DAB1: variants seen among roughly 807,000 people sequenced by gnomAD.
The protein encoded by DAB1 is disabled homolog 1.
DAB1 carries 15 observed loss-of-function variants against 64.6 expected under a neutral mutation model. The ratio of observed to expected loss-of-function variants is 0.23; its 90% CI spans 0.16 to 0.36. The LOEUF is 0.36. DAB1 is among the 10% of genes least tolerant of loss of function. The probability of loss-of-function intolerance (pLI) is 1.00; values close to 1 mark genes in which losing one functional copy is unlikely to be tolerated. For synonymous variants in DAB1, 235 were observed against 251.9 expected (o/e 0.93, Z 0.64); for missense variants, 596 against 706.7 (o/e 0.84, Z 1.78).
chr1:58,411,166 T>C (rs1644663829), intron 3 of DAB1, among the ~76,000 whole-genome samples: 1 of 152,224 alleles, frequency 6.6e-6, no homozygotes, highest in African/African-American at 2.4e-5. Context: ...TAATTTCTTT[T>C]ATCTGAACAA....
chr1:58,512,427 G>C lies in DAB1; in HGVS notation n.108-6218C>G, dbSNP rs1646093132. Among the ~76,000 whole-genome samples the C allele has an allele frequency of 2.0e-5, 3 of 152,122 alleles. No homozygotes were observed. The South Asian group carries it at 6.2e-4, about 32-fold the overall frequency. On this transcript the variant is annotated intron_variant and non_coding_transcript_variant, in intron 2 of 20. Transcript: ENST00000485760. ...ATATTTATCCAAGAGTTGAAATCAG[G>C]ATCTCAAAGGGATTTGCACTCCACA... is the stretch of plus-strand genomic sequence containing the variant.
At chr1:57,525,016 C>T (rs927617634) in intron 7 of DAB1, among the ~76,000 whole-genome samples, 3 of 152,272 alleles carry the variant, frequency 2.0e-5, no homozygotes, top group East Asian at 3.9e-4. Context: ...TGATTTACAA[C>T]CCAAAGTCTG....
At chr1:58,334,324 A>G (rs944286567) in intron 4 of DAB1, among the ~76,000 whole-genome samples, 4 of 152,180 alleles carry the variant, frequency 2.6e-5, no homozygotes, top group Non-Finnish European at 5.9e-5. Context: ...AGCTGAATCC[A>G]GCCCAACTGA....
At chr1:57,092,936 C>T (rs1026290030) in intron 4 of DAB1, among the ~76,000 whole-genome samples, 1 of 151,916 alleles carries the variant, frequency 6.6e-6, no homozygotes, top group Non-Finnish European at 1.5e-5. Context: ...AAATGTAGTC[C>T]ATTTCTTGAT....
At chr1:57,294,769 G>A (rs1209664970) in intron 1 of DAB1, among the ~76,000 whole-genome samples, 1 of 152,160 alleles carries the variant, frequency 6.6e-6, no homozygotes, top group East Asian at 1.9e-4. Flanking sequence ...CACATAGCTA[G>A]TAAATAGCAC....
intron 6 of DAB1, among the ~76,000 whole-genome samples, chr1:57,816,587 T>C (rs1651864618): frequency 6.6e-6 from 1 of 152,224 alleles, no homozygotes; most frequent in Non-Finnish European, 1.5e-5. Flanking sequence ...TAGACTTTGC[T>C]GAGAACTTTC....
chr1:58,310,490 A>G (rs944049719), intron 4 of DAB1, among the ~76,000 whole-genome samples: 1 of 152,292 alleles, frequency 6.6e-6, no homozygotes, highest in African/African-American at 2.4e-5. Flanking sequence ...AGAATTAAAA[A>G]TTTGAATTTT....
At chr1:57,402,306 C>A (rs577323111) in intron 1 of DAB1, among the ~76,000 whole-genome samples, 43 of 152,246 alleles carry the variant, frequency 2.8e-4, no homozygotes, top group African/African-American at 1.0e-3. Flanking sequence ...GTTTTAGTCA[C>A]CATATTTTAT....
intron 7 of DAB1, among the ~76,000 whole-genome samples, chr1:57,573,703 T>C (rs751601487): frequency 3.3e-5 from 5 of 152,208 alleles, no homozygotes; most frequent in Non-Finnish European, 7.3e-5. Flanking sequence ...AGCCTCCGTA[T>C]GGTTACAGCA....
At chr1:57,915,567 T>TC (rs34396068) in intron 5 of DAB1, among the ~76,000 whole-genome samples, 10 of 151,808 alleles carry the variant, frequency 6.6e-5, no homozygotes, top group Middle Eastern at 3.4e-3. Flanking sequence ...TGCTTTCAAT[T>TC]CCCCCCCAGC....
At chr1:57,963,297 T>G (rs1645571448) in intron 5 of DAB1, among the ~76,000 whole-genome samples, 1 of 152,194 alleles carries the variant, frequency 6.6e-6, no homozygotes, top group Admixed American at 6.5e-5. Flanking sequence ...GCAAGCATAT[T>G]AGCATATTAC....
intron 4 of DAB1, among the ~76,000 whole-genome samples, chr1:57,092,953 A>G (rs1455395409): frequency 6.6e-6 from 1 of 152,150 alleles, no homozygotes; most frequent in Non-Finnish European, 1.5e-5. Context: ...TGATCAGGAA[A>G]GGTGTGATTG....
At chr1:57,769,731 C>T (rs927235221) in intron 6 of DAB1, among the ~76,000 whole-genome samples, 18 of 152,082 alleles carry the variant, frequency 1.2e-4, no homozygotes, top group African/African-American at 4.1e-4. Context: ...AACCCAACAC[C>T]GATAAAAATA....
At chr1:58,484,909 G>A (rs955915800) in intron 3 of DAB1, among the ~76,000 whole-genome samples, 2 of 152,004 alleles carry the variant, frequency 1.3e-5, no homozygotes, top group African/African-American at 4.8e-5. Flanking sequence ...GGGGGAGGGA[G>A]GAATGAGTAG....
intron 7 of DAB1, among the ~76,000 whole-genome samples, chr1:57,474,339 T>C (rs1261754719): frequency 6.6e-6 from 1 of 152,336 alleles, no homozygotes; most frequent in East Asian, 1.9e-4. Flanking sequence ...CCTCTGTTTC[T>C]TCCATCTTAC....
intron 5 of DAB1, among the ~76,000 whole-genome samples, chr1:58,078,697 T>G (rs758865714): frequency 1.3e-4 from 20 of 152,202 alleles, no homozygotes; most frequent in Non-Finnish European, 2.4e-4. Context: ...CGTGTTAATT[T>G]TAATATTAAT....
At chr1:58,048,558 C>T (rs2100521020) in intron 5 of DAB1, 1 of 1,059,330 alleles carries the variant, frequency 9.4e-7, no homozygotes, top group Non-Finnish European at 1.5e-6. Flanking sequence ...TTGCCAAACC[C>T]ATTATAACCA....
intron 1 of DAB1, among the ~76,000 whole-genome samples, chr1:58,545,154 G>C (rs1646680743): frequency 1.3e-5 from 2 of 151,996 alleles, no homozygotes; most frequent in Admixed American, 6.6e-5. Context: ...CAAACTCCCT[G>C]ATTTACTTAC....
chr1:57,920,555 C>A (rs1220438880), intron 5 of DAB1, among the ~76,000 whole-genome samples: 1 of 151,992 alleles, frequency 6.6e-6, no homozygotes, highest in Admixed American at 6.6e-5. Flanking sequence ...TGGGTTCAAG[C>A]AGTCCTCAAG....
Sources: allele counts gnomAD v4.1 joint callset (sites outside exome capture counted in the v4.1 genomes callset), GRCh38; gene constraint gnomAD v4.1.1; transcripts MANE v1.5; gene names NCBI Gene and HGNC (gene_info 2026-07-23, HGNC 2026-07-21).